The following KLHL2 variants were observed in gnomAD, a reference collection of about 807,000 sequenced individuals.
KLHL2 encodes the protein kelch-like protein 2.
A neutral mutation model predicts 75.8 loss-of-function variants in KLHL2; 15 were observed. That is an observed-to-expected ratio of 0.20 (90% CI 0.13 to 0.30). KLHL2 has a LOEUF of 0.30. Among genes scored for constraint, KLHL2 ranks in the 10% least tolerant of loss-of-function variants. The probability of loss-of-function intolerance (pLI) is 1.00; values close to 1 mark genes in which losing one functional copy is unlikely to be tolerated. For synonymous variants in KLHL2, 214 were observed against 251.9 expected (o/e 0.85, Z 1.42); for missense variants, 381 against 741.0 (o/e 0.51, Z 5.64).
chr4:165,281,210 A>G (rs1452989000), intron 5 of KLHL2, among the ~76,000 whole-genome samples: 1 of 152,172 alleles, frequency 6.6e-6, no homozygotes, highest in African/African-American at 2.4e-5. Context: ...ACCTTATTAC[A>G]GGATACAAAA....
intron 1 of KLHL2, among the ~76,000 whole-genome samples, chr4:165,216,964 T>G (rs1023564160): frequency 6.6e-6 from 1 of 152,192 alleles, no homozygotes; most frequent in East Asian, 1.9e-4. Flanking sequence ...GGGCATTGAT[T>G]GTTGTATGGC....
At chr4:165,311,809 CTGTGTGTGTGTGTGTG>C (rs60870309) in intron 11 of KLHL2, among the ~76,000 whole-genome samples, 16 of 144,892 alleles carry the variant, frequency 1.1e-4, no homozygotes, top group African/African-American at 2.3e-4. Context: ...TCCTTTCTCT[CTGTGTGTGTGTGTGTG>C]TGTGTGTGTG....
chr4:165,305,500 C>T (rs1385942076), intron 8 of KLHL2, 108 bp from the exon 9 acceptor site: 8 of 865,866 alleles, frequency 9.2e-6, no homozygotes, highest in Non-Finnish European at 1.3e-5. Flanking sequence ...CCAGCTCACC[C>T]TATCATCTTC....
intron 1 of KLHL2, 121 bp downstream of exon 1, chr4:165,208,023 G>C (rs1736946997): frequency 6.6e-6 from 4 of 602,166 alleles, no homozygotes; most frequent in Non-Finnish European, 9.3e-6. Flanking sequence ...TGGGAGATGC[G>C]GGGCGTGACG....
chr4:165,293,921 G>A (rs1300590639), intron 5 of KLHL2, among the ~76,000 whole-genome samples: 1 of 151,944 alleles, frequency 6.6e-6, no homozygotes, highest in Non-Finnish European at 1.5e-5. Context: ...TACTCCATAA[G>A]GAACAACCCT....
chr4:165,219,750 A>G (rs377518378), intron 1 of KLHL2, 184 bp from the exon 2 acceptor site: 135 of 1,309,450 alleles, frequency 1.0e-4, no homozygotes, highest in Admixed American at 5.8e-4. Context: ...AATTGAAACC[A>G]TAGTGTCCAT....
chr4:165,303,716 T>C (rs1189160300), intron 8 of KLHL2, among the ~76,000 whole-genome samples: 1 of 150,796 alleles, frequency 6.6e-6, no homozygotes, highest in Non-Finnish European at 1.5e-5. Context: ...GCACGCACTA[T>C]CATGCCTGGC....
chr4:165,247,275 G>A (rs1740335434), intron 4 of KLHL2, among the ~76,000 whole-genome samples: 1 of 152,134 alleles, frequency 6.6e-6, no homozygotes, highest in South Asian at 2.1e-4. Flanking sequence ...CTATGTAGAG[G>A]TGATGGTGAG....
chr4:165,209,713 A>G (rs1354820127), intron 1 of KLHL2, among the ~76,000 whole-genome samples: 1 of 152,228 alleles, frequency 6.6e-6, no homozygotes, highest in Non-Finnish European at 1.5e-5. Flanking sequence ...GCATGGATGA[A>G]AGAATTGTTA....
chr4:165,216,435 G>T (rs993550312), intron 1 of KLHL2, among the ~76,000 whole-genome samples: 1 of 152,178 alleles, frequency 6.6e-6, no homozygotes, highest in African/African-American at 2.4e-5. Context: ...GTTGCATAAA[G>T]ACTTAAAGGT....
chr4:165,237,439 G>C (rs1739444288), intron 3 of KLHL2, among the ~76,000 whole-genome samples: 1 of 149,954 alleles, frequency 6.7e-6, no homozygotes. Flanking sequence ...GAAGTAGCAG[G>C]GTAGTTTTTT....
chr4:165,287,065 G>A (rs1193232948), intron 5 of KLHL2, among the ~76,000 whole-genome samples: 2 of 152,148 alleles, frequency 1.3e-5, no homozygotes, highest in African/African-American at 2.4e-5. Flanking sequence ...GTAGTGTCAT[G>A]TATAAGTACT....
At chr4:165,260,593 G>A (rs911346385) in intron 4 of KLHL2, among the ~76,000 whole-genome samples, 1 of 151,952 alleles carries the variant, frequency 6.6e-6, no homozygotes, top group African/African-American at 2.4e-5. Context: ...GGGTGTATAT[G>A]TTAGCATAAT....
Position 165,322,093 on chromosome 4 carries a change from G to A in KLHL2, c.*33G>A, listed in dbSNP as rs769668668. 1.9e-6 allele frequency: 3 copies of A among 1,591,984 alleles called. No individual in the cohort carries two copies. The highest frequency in any genetic ancestry group is 2.6e-6 in the Non-Finnish European group (3 of 1,159,954). On this transcript the variant is annotated 3_prime_UTR_variant, in exon 15 of 15. Coordinates refer to ENST00000226725, the MANE Select transcript of KLHL2 (RefSeq NM_007246.4). ...GGACATTTTCAGCATATTTATACAT[G>A]AGAAACAGCCTTCAACAAGTATTTG... is the stretch of plus-strand genomic sequence containing the variant.
chr4:165,293,882 G>A (rs1433780032), intron 5 of KLHL2, among the ~76,000 whole-genome samples: 1 of 151,936 alleles, frequency 6.6e-6, no homozygotes, highest in Non-Finnish European at 1.5e-5. Flanking sequence ...GATTTCTTTA[G>A]TTTCCAAATA....
intron 5 of KLHL2, among the ~76,000 whole-genome samples, chr4:165,264,721 C>CATATATATATATATATATATATACAT (rs1187856274): frequency 5.6e-5 from 4 of 71,202 alleles, no homozygotes; most frequent in Non-Finnish European, 1.1e-4. Context: ...TATATATATA[C>CATATATATATATATATATATATACAT]ATATATATAT....
intron 5 of KLHL2, 130 bp from the exon 6 acceptor site, chr4:165,294,229 G>C (rs1744736966): frequency 1.7e-6 from 1 of 590,210 alleles, no homozygotes; most frequent in South Asian, 2.1e-5. Context: ...GTTAGTTCTT[G>C]CCTGGAGGTG....
chr4:165,218,961 A>G (rs1737765695), intron 1 of KLHL2, among the ~76,000 whole-genome samples: 1 of 152,200 alleles, frequency 6.6e-6, no homozygotes, highest in Non-Finnish European at 1.5e-5. Flanking sequence ...AAATCCACCC[A>G]TTATAATTGT....
chr4:165,208,769 T>C (rs1578955646), intron 1 of KLHL2, among the ~76,000 whole-genome samples: 1 of 151,954 alleles, frequency 6.6e-6, no homozygotes, highest in African/African-American at 2.4e-5. Context: ...GGAACAAGAG[T>C]CCTTTGAATC....
Sources: gnomAD v4.1 joint callset for allele counts (sites outside exome capture counted in the v4.1 genomes callset) on GRCh38, gnomAD v4.1.1 for gene constraint, MANE v1.5 for transcripts, NCBI Gene and HGNC (gene_info 2026-07-23, HGNC 2026-07-21) for gene names.